Variants in DNAH7 observed in about 807,000 individuals in gnomAD.
DNAH7 encodes axonemal beta dynein heavy chain 7.
DNAH7 carries 397 observed loss-of-function variants against 444.6 expected under a neutral mutation model. That is an observed-to-expected ratio of 0.89 (90% confidence interval 0.82 to 0.97). The LOEUF is 0.97. Ranked by LOEUF, DNAH7 falls within the 50% of genes least tolerant of loss-of-function variation. The pLI is 0.00. For synonymous variants in DNAH7, 1,636 were observed against 1,624.4 expected (o/e 1.01, Z -0.17); for missense variants, 4,902 against 4,800.8 (o/e 1.02, Z -0.62).
At chr2:195,927,941 C>G (rs1350518758) in intron 21 of DNAH7, among the ~76,000 whole-genome samples, 1 of 151,858 alleles carries the variant, frequency 6.6e-6, no homozygotes, top group Non-Finnish European at 1.5e-5. Context: ...TTTTTTTAAA[C>G]TTTATTTTTT....
intron 19 of DNAH7, among the ~76,000 whole-genome samples, chr2:195,946,305 A>G (rs1689800651): frequency 6.6e-6 from 1 of 152,180 alleles, no homozygotes; most frequent in Non-Finnish European, 1.5e-5. Context: ...TTTGTGAAAT[A>G]CTGCTACAGT....
Position 195,816,716 on chromosome 2 carries a change from G to T in DNAH7, c.9673C>A (p.Pro3225Thr). The change falls in exon 51 of 65, where the codon CCC becomes ACC. Residue 3225 changes from proline to threonine, a missense_variant. Coordinates refer to ENST00000312428, the MANE Select transcript of DNAH7 (RefSeq NM_018897.3). ...FSLADLANIEPMYQYSLTWFI... is the reference protein window; with the variant it reads ...FSLADLANIETMYQYSLTWFI... ...CAGGTCAGTGAATACTGGTACATGG[G>T]CTCAATGTTGGCTAAATCAGCAAGA... is the stretch of plus-strand genomic sequence containing the variant. The T allele has an allele frequency of 6.2e-7, 1 of 1,614,126 alleles. No homozygotes were observed. Among genetic ancestry groups the T allele is most frequent in the African/African-American group, 1.3e-5 (1 of 75,052 alleles).
intron 39 of DNAH7, 57 bp from the exon 40 acceptor site, chr2:195,872,526 C>T: frequency 8.3e-7 from 1 of 1,202,290 alleles, no homozygotes; most frequent in Non-Finnish European, 1.2e-6. Flanking sequence ...AGAATTACGA[C>T]ACAAAAAGGA....
intron 48 of DNAH7, among the ~76,000 whole-genome samples, chr2:195,831,034 GAA>G (rs1487745211): frequency 6.6e-6 from 1 of 152,126 alleles, no homozygotes; most frequent in East Asian, 1.9e-4. Flanking sequence ...AAGGGGGAAA[GAA>G]AAGTAAAGTG....
At chr2:195,879,076 AC>A (rs1701220461) in intron 36 of DNAH7, among the ~76,000 whole-genome samples, 1 of 152,224 alleles carries the variant, frequency 6.6e-6, no homozygotes, top group Non-Finnish European at 1.5e-5. Context: ...AATATTATAA[AC>A]ACACCATCAT....
intron 21 of DNAH7, among the ~76,000 whole-genome samples, chr2:195,931,904 G>C (rs570337928): frequency 6.6e-6 from 1 of 152,054 alleles, no homozygotes. Flanking sequence ...TTGGCAATGT[G>C]GGCTCTTTTT....
At chr2:195,975,537 G>A (rs1424006486) in intron 15 of DNAH7, among the ~76,000 whole-genome samples, 1 of 152,142 alleles carries the variant, frequency 6.6e-6, no homozygotes, top group African/African-American at 2.4e-5. Flanking sequence ...AGTGCCGTGT[G>A]GGGTCAGAGC....
intron 41 of DNAH7, among the ~76,000 whole-genome samples, chr2:195,863,829 C>A (rs1358215208): frequency 6.6e-6 from 1 of 152,170 alleles, no homozygotes; most frequent in African/African-American, 2.4e-5. Context: ...CCCTGCCTAC[C>A]CCTCTGTGAA....
chr2:196,003,413 T>C (rs1694169734), intron 10 of DNAH7, among the ~76,000 whole-genome samples: 1 of 152,174 alleles, frequency 6.6e-6, no homozygotes, highest in African/African-American at 2.4e-5. Flanking sequence ...AAGTATTCAA[T>C]TGCTCATTCT....
At chr2:196,058,154 C>A in intron 1 of DNAH7, 38 bp from the exon 2 acceptor site, 1 of 1,514,794 alleles carries the variant, frequency 6.6e-7, no homozygotes, top group Non-Finnish European at 8.9e-7. Context: ...CTGTTTACTC[C>A]GTTAATGCTA....
intron 51 of DNAH7, among the ~76,000 whole-genome samples, chr2:195,810,252 A>G (rs1696902504): frequency 6.6e-6 from 1 of 152,202 alleles, no homozygotes; most frequent in African/African-American, 2.4e-5. Context: ...TATTAAATGA[A>G]TAGTCTAAAA....
chr2:195,826,039 TA>T (rs1697728861), intron 48 of DNAH7, among the ~76,000 whole-genome samples: 2 of 152,354 alleles, frequency 1.3e-5, no homozygotes, highest in Admixed American at 1.3e-4. Flanking sequence ...CATAATGTAT[TA>T]AATATGTTAA....
intron 10 of DNAH7, among the ~76,000 whole-genome samples, chr2:196,006,432 A>G (rs921932309): frequency 2.0e-5 from 3 of 152,196 alleles, no homozygotes; most frequent in African/African-American, 4.8e-5. Context: ...GAAAAATCAC[A>G]TGATTATCTC....
intron 36 of DNAH7, among the ~76,000 whole-genome samples, chr2:195,879,779 C>T (rs1701273745): frequency 6.6e-6 from 1 of 151,882 alleles, no homozygotes; most frequent in South Asian, 2.1e-4. Flanking sequence ...TACTCATTTG[C>T]CAATAGAGCT....
At chr2:196,044,636 A>T (rs1696989146) in intron 5 of DNAH7, among the ~76,000 whole-genome samples, 1 of 152,142 alleles carries the variant, frequency 6.6e-6, no homozygotes, top group Non-Finnish European at 1.5e-5. Context: ...TTCAATCTAT[A>T]ATTTCCCAGA....
chr2:195,815,182 T>C (rs925964187), intron 51 of DNAH7, among the ~76,000 whole-genome samples: 32 of 152,216 alleles, frequency 2.1e-4, no homozygotes, highest in African/African-American at 7.7e-4. Context: ...AAATTTTGTT[T>C]TATTTCTGTA....
chr2:195,881,790 C>T lies in DNAH7; in HGVS notation c.5961+5G>A, dbSNP rs1369060907. The T allele has an allele frequency of 3.1e-6, 5 of 1,612,396 alleles. No individual in the cohort carries two copies. The Admixed American group carries it at 6.7e-5, about 21-fold the overall frequency. ...GTTTAATACGCAGATTTCTGCAGTACTTACCGTAATGTAAACACTTTTCCC... is the reference window on the plus strand; with the variant it reads ...GTTTAATACGCAGATTTCTGCAGTATTTACCGTAATGTAAACACTTTTCCC... On this transcript the variant is annotated splice_donor_5th_base_variant and intron_variant, in intron 36 of 64. Transcript: ENST00000312428.
intron 42 of DNAH7, among the ~76,000 whole-genome samples, chr2:195,860,898 ATTAAT>A: frequency 6.6e-6 from 1 of 152,252 alleles, no homozygotes; most frequent in African/African-American, 2.4e-5. Context: ...TAAAAATCAT[ATTAAT>A]TTATAGATAA....
At chr2:195,902,370 C>G (rs1260635881) in intron 27 of DNAH7, 1 of 151,598 alleles carries the variant, frequency 6.6e-6, no homozygotes, top group Non-Finnish European at 1.5e-5. Context: ...AGCAAGTGTT[C>G]TAACCACTAC....
Sources: gnomAD v4.1 joint callset for allele counts (sites outside exome capture counted in the v4.1 genomes callset) on GRCh38, gnomAD v4.1.1 for gene constraint, MANE v1.5 for transcripts, NCBI Gene and HGNC (gene_info 2026-07-23, HGNC 2026-07-21) for gene names.